Variants in EPHB1 observed in about 807,000 individuals in gnomAD.
The protein encoded by EPHB1 is ephrin type-B receptor 1.
EPHB1 carries 30 observed loss-of-function variants against 94.4 expected under a neutral mutation model. The observed-to-expected ratio is 0.32, with a 90% CI of 0.24 to 0.43. EPHB1 has a LOEUF of 0.43. EPHB1 is among the 20% of genes least tolerant of loss of function. EPHB1 has a pLI of 1.00. For synonymous variants in EPHB1, 522 were observed against 489.1 expected, an observed-to-expected ratio of 1.07 and a Z score of -0.89; for missense variants, 1,055 against 1,308.3, an observed-to-expected ratio of 0.81 and a Z score of 2.99.
intron 11 of EPHB1, among the ~76,000 whole-genome samples, chr3:135,195,233 C>G (rs1397133117): frequency 6.6e-6 from 1 of 152,008 alleles, no homozygotes. Flanking sequence ...ATCACACTCC[C>G]CCGCTGGAGT....
chr3:135,053,013 ATGTGTGTGTGTGTG>A (rs369600482), intron 3 of EPHB1, among the ~76,000 whole-genome samples: 84 of 71,690 alleles, frequency 1.2e-3, no homozygotes, highest in East Asian at 4.3e-3. Context: ...GTGTATATAT[ATGTGTGTGTGTGTG>A]TATATATATA....
chr3:135,255,969 G>T (rs1422121913), intron 15 of EPHB1, among the ~76,000 whole-genome samples: 5 of 149,462 alleles, frequency 3.3e-5, no homozygotes, highest in African/African-American at 1.2e-4. Context: ...TTACCATTAT[G>T]TAATGGCCTT....
At chr3:134,813,217 G>T (rs1189393515) in intron 1 of EPHB1, among the ~76,000 whole-genome samples, 1 of 152,278 alleles carries the variant, frequency 6.6e-6, no homozygotes, top group South Asian at 2.1e-4. Flanking sequence ...GCCTCAGCAG[G>T]AAGCCATAAT....
At chr3:134,892,239 T>A (rs567656097) in intron 1 of EPHB1, among the ~76,000 whole-genome samples, 3 of 152,308 alleles carry the variant, frequency 2.0e-5, no homozygotes, top group Non-Finnish European at 2.9e-5. Context: ...TTGCCAGGGG[T>A]GTGGGCATGA....
intron 2 of EPHB1, among the ~76,000 whole-genome samples, chr3:134,939,685 G>A (rs946896568): frequency 6.6e-6 from 1 of 152,192 alleles, no homozygotes; most frequent in Non-Finnish European, 1.5e-5. Flanking sequence ...AGGCTTGGTA[G>A]TGGTGGCTCC....
chr3:135,176,818 G>A (rs6799448), intron 9 of EPHB1, among the ~76,000 whole-genome samples: 66,454 of 151,910 alleles, frequency 0.44, 15,049 homozygotes, highest in East Asian at 0.69. Flanking sequence ...ATTCATTACC[G>A]CATATTCTAG....
intron 1 of EPHB1, among the ~76,000 whole-genome samples, chr3:134,822,005 T>C (rs553856273): frequency 5.9e-5 from 9 of 152,064 alleles, no homozygotes; most frequent in Non-Finnish European, 1.2e-4. Context: ...TGAAAGACAA[T>C]GTTGAAAAGG....
intron 1 of EPHB1, among the ~76,000 whole-genome samples, chr3:134,801,682 A>G (rs538529649): frequency 6.6e-6 from 1 of 152,326 alleles, no homozygotes; most frequent in South Asian, 2.1e-4. Flanking sequence ...TCATATTTAA[A>G]AGCAAAATTT....
intron 9 of EPHB1, among the ~76,000 whole-genome samples, chr3:135,170,972 A>G (rs1249898551): frequency 6.6e-6 from 1 of 152,242 alleles, no homozygotes; most frequent in African/African-American, 2.4e-5. Flanking sequence ...GCACAAACAA[A>G]TGGGGTATGT....
chr3:135,255,905 TA>T (rs1170866041), intron 15 of EPHB1, among the ~76,000 whole-genome samples: 1 of 146,896 alleles, frequency 6.8e-6, no homozygotes, highest in African/African-American at 2.5e-5. Flanking sequence ...GGTGCTCCTG[TA>T]TTGGGTGCAT....
intron 12 of EPHB1, among the ~76,000 whole-genome samples, chr3:135,226,868 C>G (rs1943416595): frequency 6.6e-6 from 1 of 151,994 alleles, no homozygotes; most frequent in East Asian, 1.9e-4. Flanking sequence ...TCCTTTGCAG[C>G]AACATAGACG....
intron 3 of EPHB1, among the ~76,000 whole-genome samples, chr3:134,952,652 A>G (rs1019942549): frequency 6.6e-6 from 1 of 152,268 alleles, no homozygotes. Context: ...AGATGAAACT[A>G]TTGGAATGGG....
At chr3:135,129,432 C>G (rs375655972) in intron 4 of EPHB1, among the ~76,000 whole-genome samples, 45 of 152,298 alleles carry the variant, frequency 3.0e-4, no homozygotes, top group Middle Eastern at 3.4e-3. Context: ...ATTACTGCTG[C>G]TACTTCAAGG....
At chr3:135,243,961 A>G (rs1177741577) in intron 13 of EPHB1, among the ~76,000 whole-genome samples, 1 of 152,070 alleles carries the variant, frequency 6.6e-6, no homozygotes, top group Non-Finnish European at 1.5e-5. Flanking sequence ...GAGTTCCTCC[A>G]CTTCCCTCTC....
chr3:134,915,221 G>T (rs1249449288), intron 1 of EPHB1, among the ~76,000 whole-genome samples: 1 of 152,132 alleles, frequency 6.6e-6, no homozygotes, highest in African/African-American at 2.4e-5. Flanking sequence ...ACCTCACAAT[G>T]CAGCCTTATT....
At chr3:134,911,299 GA>G (rs1302488865) in intron 1 of EPHB1, among the ~76,000 whole-genome samples, 4 of 152,190 alleles carry the variant, frequency 2.6e-5, no homozygotes, top group Non-Finnish European at 5.9e-5. Context: ...GGAAACCACA[GA>G]AAAGGCAGCA....
chr3:135,107,628 A>G (rs1576390016), intron 4 of EPHB1, among the ~76,000 whole-genome samples: 2 of 152,324 alleles, frequency 1.3e-5, no homozygotes, highest in South Asian at 4.1e-4. Context: ...CCATCACAGA[A>G]GAATATTTCA....
intron 12 of EPHB1, among the ~76,000 whole-genome samples, chr3:135,209,571 C>G (rs764383903): frequency 5.3e-5 from 8 of 152,070 alleles, no homozygotes; most frequent in Non-Finnish European, 1.2e-4. Flanking sequence ...GTGGCCTATG[C>G]GCTTCAAAAA....
intron 15 of EPHB1, among the ~76,000 whole-genome samples, chr3:135,258,589 GC>G (rs1354376543): frequency 6.6e-6 from 1 of 152,148 alleles, no homozygotes; most frequent in African/African-American, 2.4e-5. Flanking sequence ...GACCAGGTGA[GC>G]CCCACATCTT....
Sources: allele counts gnomAD v4.1 joint callset (sites outside exome capture counted in the v4.1 genomes callset), GRCh38; gene constraint gnomAD v4.1.1; transcripts MANE v1.5; gene names NCBI Gene and HGNC (gene_info 2026-07-23, HGNC 2026-07-21).